The following ZNF324B variants were observed in gnomAD, a reference collection of about 807,000 sequenced individuals.
The protein encoded by ZNF324B is zinc finger protein 324B.
A neutral mutation model predicts 10.6 loss-of-function variants in ZNF324B; 7 were observed. The observed-to-expected ratio is 0.66, with a 90% CI of 0.38 to 1.24. The LOEUF (loss-of-function observed/expected upper bound fraction) is 1.24, where lower values mean the gene tolerates loss of function less well. Ranked by LOEUF, ZNF324B falls within the 50% of genes most tolerant of loss-of-function variation. The probability of loss-of-function intolerance (pLI) is 0.02; values close to 1 mark genes in which losing one functional copy is unlikely to be tolerated. For missense variants in ZNF324B, 640 were observed against 764.7 expected, an observed-to-expected ratio of 0.84 and a Z score of 1.92; for synonymous variants, 316 against 321.0, an observed-to-expected ratio of 0.98 and a Z score of 0.17.
At chr19:58,434,250 T>C in the ZNF324B span, 3 of 1,612,804 alleles carry the variant, frequency 1.9e-6, no homozygotes, top group South Asian at 2.2e-5. Context: ...GTCTTACCTG[T>C]GTGTGAACTT....
the ZNF324B span, among the ~76,000 whole-genome samples, chr19:58,424,933 T>C: frequency 6.6e-6 from 1 of 152,194 alleles, no homozygotes; most frequent in Non-Finnish European, 1.5e-5. Context: ...CAAATGTTTA[T>C]AGCAGCTTCA....
chr19:58,433,810 C>T, the ZNF324B span: 3 of 1,614,238 alleles, frequency 1.9e-6, no homozygotes, highest in Non-Finnish European at 8.5e-7. Context: ...ACACTCACTA[C>T]ACTCGTAAGG....
At chr19:58,419,183 G>A in the ZNF324B span, 1 of 152,172 alleles carries the variant, frequency 6.6e-6, no homozygotes, top group African/African-American at 2.4e-5. Flanking sequence ...GGAATAGTTG[G>A]TGAGAGATCT....
chr19:58,437,860 C>G, the ZNF324B span: 1 of 920,096 alleles, frequency 1.1e-6, no homozygotes, highest in Non-Finnish European at 1.3e-6. Context: ...CATCAGCTGC[C>G]CAGAACCATA....
chr19:58,453,408 T>G, intron 1 of ZNF324B: 1 of 505,452 alleles, frequency 2.0e-6, no homozygotes, highest in Non-Finnish European at 3.6e-6. Flanking sequence ...CGAGTGGATA[T>G]TTGGGGCTGC....
At chr19:58,433,450 C>G in the ZNF324B span, 1 of 1,553,578 alleles carries the variant, frequency 6.4e-7, no homozygotes. Context: ...AGATCTTTCA[C>G]TAAAGGCTTT....
the ZNF324B span, among the ~76,000 whole-genome samples, chr19:58,421,095 A>G: frequency 4.0e-5 from 6 of 151,704 alleles, no homozygotes; most frequent in African/African-American, 7.3e-5. Context: ...TGCCATGCTA[A>G]GGGGCAGTAA....
the ZNF324B span, chr19:58,418,857 G>A: frequency 6.6e-6 from 1 of 152,200 alleles, no homozygotes; most frequent in Non-Finnish European, 1.5e-5. Flanking sequence ...CAGTCCTCTT[G>A]CCTCAGCCTT....
chr19:58,437,808 CCCT>C, the ZNF324B span: 1 of 985,410 alleles, frequency 1.0e-6, no homozygotes, highest in Non-Finnish European at 1.2e-6. Flanking sequence ...CAGTCATAGC[CCCT>C]CAAGTCAATG....
the ZNF324B span, among the ~76,000 whole-genome samples, chr19:58,427,250 G>A: frequency 6.6e-6 from 1 of 151,382 alleles, no homozygotes; most frequent in Non-Finnish European, 1.5e-5. Context: ...CCTGCCTCCT[G>A]AGTAGCTGGG....
the ZNF324B span, chr19:58,433,597 CAAAT>C: frequency 3.1e-6 from 5 of 1,613,922 alleles, no homozygotes; most frequent in East Asian, 6.7e-5. Context: ...TCTCCAGTGA[CAAAT>C]AAGGCTGGAT....
At chr19:58,437,013 A>C in the ZNF324B span, 1 of 1,613,988 alleles carries the variant, frequency 6.2e-7, no homozygotes, top group Non-Finnish European at 8.5e-7. Flanking sequence ...ACAAGGCATA[A>C]GGTAGTCATC....
chr19:58,446,468 A>C, the ZNF324B span, among the ~76,000 whole-genome samples: 1 of 151,004 alleles, frequency 6.6e-6, no homozygotes, highest in African/African-American at 2.4e-5. Flanking sequence ...GAGGGATGGT[A>C]GGGGCCTTGC....
At chr19:58,423,247 C>T in the ZNF324B span, among the ~76,000 whole-genome samples, 5 of 152,094 alleles carry the variant, frequency 3.3e-5, no homozygotes, top group Non-Finnish European at 7.4e-5. Context: ...GCAAGCTCTG[C>T]CTCCCGGGGT....
chr19:58,431,729 T>A, the ZNF324B span, among the ~76,000 whole-genome samples: 1 of 152,164 alleles, frequency 6.6e-6, no homozygotes, highest in Admixed American at 6.5e-5. Flanking sequence ...CGGTGGCTCA[T>A]GCATGTAATC....
rs756941956 is a variant in ZNF324B at position 58,455,308 on chromosome 19, C to T, written c.364C>T (p.Leu122=). 3.7e-6 allele frequency: 6 copies of T among 1,614,220 alleles called. No homozygotes were observed. In the Admixed American group the frequency reaches 1.0e-4, roughly 27 times the overall value. ...VADACHSVKS[L]QRQPGASPSQ... is the part of the protein sequence containing the mutation. ...CGATGCCTGCCACAGTGTAAAAAGC[C>T]TGCAGCGACAACCGGGTGCCTCCCC... Residue 122 remains leucine, a synonymous_variant, in exon 4 of 4, where the codon CTG becomes TTG. Coordinates refer to ENST00000336614, the MANE Select transcript of ZNF324B (RefSeq NM_207395.3). This position sits in a 1 kb window ranked among gnomAD's most constrained non-coding sequence, Gnocchi z 7.0.
At chr19:58,420,288 G>A in the ZNF324B span, among the ~76,000 whole-genome samples, 4 of 152,134 alleles carry the variant, frequency 2.6e-5, no homozygotes, top group South Asian at 4.2e-4. Flanking sequence ...GCATGGTGAC[G>A]GGCGCCTGTA....
chr19:58,427,361 T>TCTTTCTCTTTC, the ZNF324B span, among the ~76,000 whole-genome samples: 4 of 53,548 alleles, frequency 7.5e-5, no homozygotes, highest in Non-Finnish European at 1.2e-4. Context: ...TTTCTTTCTT[T>TCTTTCTCTTTC]CTTTCTTTCT....
At chr19:58,438,110 C>T in the ZNF324B span, among the ~76,000 whole-genome samples, 45 of 152,252 alleles carry the variant, frequency 3.0e-4, no homozygotes, top group African/African-American at 6.0e-4. Flanking sequence ...GAAGGATGGC[C>T]GCAACAATGT....
Sources: allele counts gnomAD v4.1 joint callset (sites outside exome capture counted in the v4.1 genomes callset), GRCh38; gene constraint gnomAD v4.1.1; non-coding constraint Gnocchi (gnomAD v3.1); transcripts MANE v1.5; gene names NCBI Gene and HGNC (gene_info 2026-07-23, HGNC 2026-07-21).